TTC6: variants seen among roughly 807,000 people sequenced by gnomAD.
TTC6 encodes the protein tetratricopeptide repeat protein 6.
TTC6 carries 172 observed loss-of-function variants against 210.4 expected under a neutral mutation model. The ratio of observed to expected loss-of-function variants is 0.82; its 90% CI spans 0.72 to 0.93. The LOEUF is 0.93. TTC6 is among the 40% of genes least tolerant of loss of function. The pLI is 0.00. For synonymous variants in TTC6, 804 were observed against 819.6 expected (o/e 0.98, Z 0.32); for missense variants, 2,414 against 2,318.1 (o/e 1.04, Z -0.85).
intron 3 of TTC6, among the ~76,000 whole-genome samples, chr14:37,683,223 G>T (rs1234666198): frequency 6.6e-6 from 1 of 152,076 alleles, no homozygotes; most frequent in East Asian, 1.9e-4. Flanking sequence ...GAATTTTTAG[G>T]TCTTTTAGAA....
intron 14 of TTC6, among the ~76,000 whole-genome samples, chr14:37,776,741 A>G (rs966081743): frequency 4.6e-5 from 7 of 151,038 alleles, no homozygotes; most frequent in Non-Finnish European, 1.0e-4. Context: ...AAAATACACA[A>G]CTTAGCCAGA....
chr14:37,676,127 GA>G (rs1427306270), intron 1 of TTC6, among the ~76,000 whole-genome samples: 1 of 150,992 alleles, frequency 6.6e-6, no homozygotes, highest in African/African-American at 2.5e-5. Context: ...ATTCTGAGAG[GA>G]AAAAACTTGC....
At chr14:37,740,382 CA>C (rs1158290238) in intron 10 of TTC6, among the ~76,000 whole-genome samples, 1 of 151,972 alleles carries the variant, frequency 6.6e-6, no homozygotes, top group Non-Finnish European at 1.5e-5. Flanking sequence ...AAATAGTTTC[CA>C]AAAAGATCTG....
chr14:37,682,892 G>C, exon 3 of TTC6: 1 of 1,535,662 alleles, frequency 6.5e-7, no homozygotes, highest in Non-Finnish European at 8.7e-7. Flanking sequence ...AGCCAGCAGA[G>C]GAATTAAGTA....
intron 5 of TTC6, among the ~76,000 whole-genome samples, chr14:37,714,416 A>G (rs1043297623): frequency 6.6e-6 from 1 of 151,638 alleles, no homozygotes; most frequent in African/African-American, 2.4e-5. Context: ...TGAATTTATT[A>G]TTCCAGTATA....
chr14:37,778,576 T>C (rs1419670096), intron 14 of TTC6, among the ~76,000 whole-genome samples: 1 of 152,034 alleles, frequency 6.6e-6, no homozygotes, highest in African/African-American at 2.4e-5. Flanking sequence ...TACAAAGTGA[T>C]GAGGGAGTGG....
rs192079518 is a variant in TTC6, at chr14:37,616,953, T to G, written c.-154-5097T>G. ...GTGCAGTGGCACAATGATGGCTCAC[T>G]GCAGCCTTGACCTCCTGGGCTCAAG... On this transcript the variant is annotated intron_variant, in intron 2 of 2. Transcript: ENST00000556845. Among the ~76,000 whole-genome samples, 247 of 152,288 alleles carry G rather than the reference T, an allele frequency of 1.6e-3. 3 individuals carry two copies. The highest frequency in any genetic ancestry group is 5.6e-3 in the African/African-American group (234 of 41,570).
At chr14:37,642,941 T>C (rs1270330228) in intron 1 of TTC6, among the ~76,000 whole-genome samples, 1 of 152,204 alleles carries the variant, frequency 6.6e-6, no homozygotes, top group Admixed American at 6.5e-5. Flanking sequence ...TATAACCTTA[T>C]GGAATCACTG....
chr14:37,673,430 C>G (rs528468878), intron 1 of TTC6, among the ~76,000 whole-genome samples: 5 of 152,144 alleles, frequency 3.3e-5, no homozygotes, highest in Non-Finnish European at 7.4e-5. Flanking sequence ...TGCAGCTTGA[C>G]TAAGTGCTGA....
chr14:37,612,294 T>G (rs2139256190), intron 2 of TTC6, among the ~76,000 whole-genome samples: 1 of 152,340 alleles, frequency 6.6e-6, no homozygotes, highest in African/African-American at 2.4e-5. Flanking sequence ...GGTTGCATTT[T>G]CTAGAATTTT....
At chr14:37,603,503 G>A (rs1365541348) in intron 1 of TTC6, among the ~76,000 whole-genome samples, 1 of 152,232 alleles carries the variant, frequency 6.6e-6, no homozygotes, top group Admixed American at 6.5e-5. Flanking sequence ...AATTGGCACC[G>A]CAAAAATTTC....
chr14:37,816,294 G>A (rs900730525), intron 25 of TTC6, among the ~76,000 whole-genome samples: 7 of 152,086 alleles, frequency 4.6e-5, no homozygotes, highest in Non-Finnish European at 1.0e-4. Context: ...CCCAATAACA[G>A]CAGAAAATTT....
exon 11 of TTC6, chr14:37,749,351 A>C: frequency 6.8e-7 from 1 of 1,471,352 alleles, no homozygotes; most frequent in Non-Finnish European, 9.0e-7. Context: ...GCGTGGAGCT[A>C]TTTATAGGAA....
intron 7 of TTC6, 68 bp downstream of exon 9, chr14:37,725,070 G>A: frequency 2.2e-6 from 2 of 897,378 alleles, no homozygotes; most frequent in South Asian, 2.4e-5. Flanking sequence ...TTGTATAATT[G>A]GCTATGACAT....
intron 10 of TTC6, among the ~76,000 whole-genome samples, chr14:37,740,585 TAGTACTTCATA>T (rs1211739479): frequency 1.3e-5 from 2 of 152,184 alleles, no homozygotes; most frequent in African/African-American, 4.8e-5. Flanking sequence ...GACTGGGGCA[TAGTACTTCATA>T]AGTGTGAATG....
intron 27 of TTC6, among the ~76,000 whole-genome samples, chr14:37,825,057 A>G (rs2096167520): frequency 6.6e-6 from 1 of 152,196 alleles, no homozygotes; most frequent in African/African-American, 2.4e-5. Flanking sequence ...TGAGTCAGGA[A>G]GGAGGACTGC....
chr14:37,764,694 G>T (rs2095993406), intron 14 of TTC6, among the ~76,000 whole-genome samples: 1 of 151,900 alleles, frequency 6.6e-6, no homozygotes, highest in South Asian at 2.1e-4. Context: ...TAGATATCAT[G>T]TAGCTATATT....
intron 25 of TTC6, among the ~76,000 whole-genome samples, chr14:37,815,814 C>G (rs2096140154): frequency 6.6e-6 from 1 of 152,110 alleles, no homozygotes; most frequent in South Asian, 2.1e-4. Flanking sequence ...TAACTTTATT[C>G]TAAGTAATGC....
intron 1 of TTC6, among the ~76,000 whole-genome samples, chr14:37,663,029 A>C (rs933183475): frequency 1.3e-5 from 2 of 152,040 alleles, no homozygotes; most frequent in Non-Finnish European, 2.9e-5. Context: ...TGAGCATGGA[A>C]TGTTTTTCCG....
Sources: gnomAD v4.1 joint callset for allele counts (sites outside exome capture counted in the v4.1 genomes callset) on GRCh38, gnomAD v4.1.1 for gene constraint, MANE v1.5 for transcripts, NCBI Gene and HGNC (gene_info 2026-07-23, HGNC 2026-07-21) for gene names.